Variants in MNAT1 observed in about 807,000 individuals in gnomAD.
The protein encoded by MNAT1 is MNAT1 component of CDK activating kinase, also known as CDK-activating kinase assembly factor MAT1.
In MNAT1, 43 loss-of-function variants were observed where a neutral mutation model predicts 42.0. The ratio of observed to expected loss-of-function variants is 1.02; its 90% CI spans 0.80 to 1.32. The LOEUF (loss-of-function observed/expected upper bound fraction) is 1.32, where lower values mean the gene tolerates loss of function less well. Among genes scored for constraint, MNAT1 ranks in the 40% most tolerant of loss-of-function variants. MNAT1 has a pLI of 0.00. For synonymous variants in MNAT1, 118 were observed against 120.0 expected (o/e 0.98, Z 0.11); for missense variants, 306 against 350.4 (o/e 0.87, Z 1.01).
At chr14:60,961,151 G>A (rs2036582969) in intron 7 of MNAT1, among the ~76,000 whole-genome samples, 1 of 152,020 alleles carries the variant, frequency 6.6e-6, no homozygotes, top group Non-Finnish European at 1.5e-5. Context: ...TAGTAGAGAT[G>A]GGGTTTCTCC....
At chr14:60,742,698 G>C (rs1390814876) in intron 1 of MNAT1, among the ~76,000 whole-genome samples, 1 of 152,098 alleles carries the variant, frequency 6.6e-6, no homozygotes, top group Non-Finnish European at 1.5e-5. Flanking sequence ...TCTACTTTCT[G>C]ACTATGTAGA....
chr14:60,825,415 A>T (rs1405908934), intron 6 of MNAT1, among the ~76,000 whole-genome samples: 1 of 152,210 alleles, frequency 6.6e-6, no homozygotes, highest in Admixed American at 6.5e-5. Flanking sequence ...AGAAAAATCA[A>T]TCCTGAATGA....
At position 60,879,805 on chromosome 14, in the gene MNAT1, T is replaced by A. The variant is rs754210554; in HGVS notation, c.779T>A (p.Val260Asp). The A allele has an allele frequency of 2.5e-6, 4 of 1,613,030 alleles. No homozygotes were observed. In the African/African-American group the frequency reaches 5.3e-5, roughly 22 times the overall value. Reference sequence around the variant, plus strand: ...CAGATAGAGACATATGGACCACATGTTCCTGAGCTTGAGATGCTAGGAAGA... The same window carrying A: ...CAGATAGAGACATATGGACCACATGATCCTGAGCTTGAGATGCTAGGAAGA... ...PLQIETYGPH[V>D]PELEMLGRLG... The change falls in exon 7 of 8, where the codon GTT (valine) becomes GAT (aspartate). Residue 260 changes from valine (V) to aspartate (D), a missense_variant. Val to Asp is a radical substitution (Grantham distance 152, BLOSUM62 -3). This residue lies in a region of MNAT1 where 116 missense variants were observed against 139.6 expected (regional missense o/e 0.83). Transcript: ENST00000261245.
chr14:60,958,687 A>G (rs2036530824), intron 7 of MNAT1, among the ~76,000 whole-genome samples: 1 of 115,486 alleles, frequency 8.7e-6, no homozygotes, highest in East Asian at 2.7e-4. Flanking sequence ...CCCAGGCTGG[A>G]GTGCAGTGGC....
At chr14:60,800,603 A>T (rs1566771309) in intron 3 of MNAT1, among the ~76,000 whole-genome samples, 2 of 152,156 alleles carry the variant, frequency 1.3e-5, no homozygotes, top group Non-Finnish European at 2.9e-5. Context: ...CTATATAAGG[A>T]AGAAGCAAAA....
chr14:60,938,221 T>C (rs998643696), intron 7 of MNAT1, among the ~76,000 whole-genome samples: 14 of 152,094 alleles, frequency 9.2e-5, no homozygotes, highest in East Asian at 1.9e-4. Context: ...CCTTTATTTC[T>C]TTCTCCTGCC....
At chr14:60,756,525 G>A (rs1171497102) in intron 1 of MNAT1, among the ~76,000 whole-genome samples, 49 of 152,174 alleles carry the variant, frequency 3.2e-4, no homozygotes, top group Admixed American at 3.2e-3. Flanking sequence ...ACTTCACAGT[G>A]TCTTATGGAT....
At chr14:60,750,640 A>G (rs1380578288) in intron 1 of MNAT1, among the ~76,000 whole-genome samples, 3 of 149,404 alleles carry the variant, frequency 2.0e-5, no homozygotes, top group Admixed American at 6.8e-5. Context: ...TAAATAAGCT[A>G]TTTTTTAAAA....
intron 7 of MNAT1, among the ~76,000 whole-genome samples, chr14:60,893,475 A>G (rs2034887361): frequency 6.6e-6 from 1 of 151,998 alleles, no homozygotes. Flanking sequence ...TTTAGTTATT[A>G]TTTGAATATT....
chr14:60,810,121 G>A (rs2032497751), intron 4 of MNAT1, among the ~76,000 whole-genome samples: 1 of 151,914 alleles, frequency 6.6e-6, no homozygotes, highest in Non-Finnish European at 1.5e-5. Flanking sequence ...TAACTGAAGC[G>A]TAATATAATT....
At chr14:60,918,735 A>AATATATATATATATAT (rs140364759) in intron 7 of MNAT1, among the ~76,000 whole-genome samples, 2 of 18,458 alleles carry the variant, frequency 1.1e-4, no homozygotes, top group African/African-American at 6.9e-5. Flanking sequence ...TCCAGATGAG[A>AATATATATATATATAT]ATATATATAT....
At chr14:60,832,592 A>T (rs2033258188) in intron 6 of MNAT1, among the ~76,000 whole-genome samples, 1 of 151,896 alleles carries the variant, frequency 6.6e-6, no homozygotes, top group Non-Finnish European at 1.5e-5. Context: ...CTTGTAGTAT[A>T]GTTTGAAGTC....
At chr14:60,738,990 G>A (rs1196956258) in intron 1 of MNAT1, among the ~76,000 whole-genome samples, 1 of 152,216 alleles carries the variant, frequency 6.6e-6, no homozygotes, top group Non-Finnish European at 1.5e-5. Flanking sequence ...GTCTTAGGAT[G>A]TTGTAATCAA....
intron 1 of MNAT1, among the ~76,000 whole-genome samples, chr14:60,771,973 A>G (rs763737109): frequency 1.3e-5 from 2 of 152,238 alleles, no homozygotes; most frequent in African/African-American, 2.4e-5. Flanking sequence ...AAACTAAACA[A>G]TAATGGAGAG....
At chr14:60,874,889 G>A (rs2034404779) in intron 6 of MNAT1, among the ~76,000 whole-genome samples, 1 of 152,022 alleles carries the variant, frequency 6.6e-6, no homozygotes, top group Non-Finnish European at 1.5e-5. Flanking sequence ...TGCTCTGTTG[G>A]TGATTTTAAA....
At chr14:60,791,205 A>G (rs1409206162) in intron 1 of MNAT1, among the ~76,000 whole-genome samples, 1 of 152,196 alleles carries the variant, frequency 6.6e-6, no homozygotes, top group African/African-American at 2.4e-5. Flanking sequence ...GAAAATTGCT[A>G]TGCTAAATGA....
intron 1 of MNAT1, among the ~76,000 whole-genome samples, chr14:60,789,446 G>A (rs1300699024): frequency 2.0e-5 from 3 of 152,080 alleles, no homozygotes; most frequent in East Asian, 1.9e-4. Flanking sequence ...AAATGGTGCC[G>A]ATAGACTCAT....
At chr14:60,918,758 T>TATATA (rs371722863) in intron 7 of MNAT1, among the ~76,000 whole-genome samples, 13,652 of 142,176 alleles carry the variant, frequency 0.096, 836 homozygotes, top group East Asian at 0.31. Flanking sequence ...ATATATATAT[T>TATATA]TTTGTCCTTA....
chr14:60,934,131 A>G (rs1451887142), intron 7 of MNAT1, among the ~76,000 whole-genome samples: 1 of 152,190 alleles, frequency 6.6e-6, no homozygotes, highest in Non-Finnish European at 1.5e-5. Context: ...TTGACAATTC[A>G]TTCGTAGAGA....
Sources: allele counts gnomAD v4.1 joint callset (sites outside exome capture counted in the v4.1 genomes callset), GRCh38; gene constraint gnomAD v4.1.1; regional missense constraint gnomAD v4.1.1; transcripts MANE v1.5; gene names NCBI Gene and HGNC (gene_info 2026-07-23, HGNC 2026-07-21).